Variants in SPATA13 observed in about 807,000 individuals in gnomAD.
The protein encoded by SPATA13 is spermatogenesis associated 13, also known as spermatogenesis-associated protein 13.
A neutral mutation model predicts 104.0 loss-of-function variants in SPATA13; 50 were observed. The observed-to-expected ratio is 0.48, with a 90% confidence interval of 0.38 to 0.61. SPATA13 has a LOEUF of 0.61. SPATA13 is among the 20% of genes least tolerant of loss of function. SPATA13 has a pLI of 0.00. For missense variants in SPATA13, 1,524 were observed against 1,690.6 expected, an observed-to-expected ratio of 0.90 and a Z score of 1.73; for synonymous variants, 606 against 667.5, an observed-to-expected ratio of 0.91 and a Z score of 1.42.
intron 3 of SPATA13, among the ~76,000 whole-genome samples, chr13:24,081,538 AT>A (rs1879516632): frequency 6.6e-6 from 1 of 151,862 alleles, no homozygotes. Flanking sequence ...GCCCAGTGTG[AT>A]GACTCATGCA....
intron 3 of SPATA13, among the ~76,000 whole-genome samples, chr13:24,139,456 C>T (rs1169254143): frequency 6.6e-6 from 1 of 151,984 alleles, no homozygotes; most frequent in Non-Finnish European, 1.5e-5. Flanking sequence ...ACCAATTCTC[C>T]TCTGGGATTG....
intron 2 of SPATA13, among the ~76,000 whole-genome samples, chr13:24,231,288 C>T (rs1872258591): frequency 1.3e-5 from 2 of 152,212 alleles, no homozygotes; most frequent in South Asian, 4.1e-4. Context: ...GCCCCAGCCT[C>T]AGAGCTATTT....
At chr13:23,990,262 T>A (rs888362186) in intron 2 of SPATA13, among the ~76,000 whole-genome samples, 1 of 152,164 alleles carries the variant, frequency 6.6e-6, no homozygotes, top group African/African-American at 2.4e-5. Flanking sequence ...GAAATGCAAC[T>A]CTCTGGTTTT....
chr13:24,218,194 A>T (rs1201692842), intron 1 of SPATA13, among the ~76,000 whole-genome samples: 1 of 152,204 alleles, frequency 6.6e-6, no homozygotes. Context: ...AGAGTGAAGG[A>T]TGGGTGGGCA....
At chr13:24,041,574 C>T (rs1479357591) in intron 3 of SPATA13, among the ~76,000 whole-genome samples, 2 of 152,222 alleles carry the variant, frequency 1.3e-5, no homozygotes, top group Non-Finnish European at 2.9e-5. Flanking sequence ...CACAGATAAA[C>T]ATGCAGTTGT....
At chr13:24,022,814 A>G (rs1173377149) in intron 3 of SPATA13, among the ~76,000 whole-genome samples, 1 of 152,198 alleles carries the variant, frequency 6.6e-6, no homozygotes, top group Non-Finnish European at 1.5e-5. Flanking sequence ...AATTAGACTC[A>G]AGCAAAATGT....
chr13:24,270,632 G>A (rs1028527629), intron 4 of SPATA13: 16 of 923,956 alleles, frequency 1.7e-5, no homozygotes, highest in Non-Finnish European at 2.5e-5. Context: ...GAAGTCCCCC[G>A]CAATGTCACT....
chr13:24,043,357 C>G (rs1158586917), intron 3 of SPATA13, among the ~76,000 whole-genome samples: 1 of 152,170 alleles, frequency 6.6e-6, no homozygotes, highest in Non-Finnish European at 1.5e-5. Flanking sequence ...CTTCTCCCAT[C>G]TCAGCAGCAC....
intron 3 of SPATA13, among the ~76,000 whole-genome samples, chr13:24,038,973 G>A (rs529160716): frequency 1.3e-5 from 2 of 152,278 alleles, no homozygotes; most frequent in African/African-American, 4.8e-5. Flanking sequence ...TGTGACACAG[G>A]CAGGGAAATA....
chr13:24,083,492 C>T (rs528294113), intron 3 of SPATA13, among the ~76,000 whole-genome samples: 70 of 152,206 alleles, frequency 4.6e-4, no homozygotes, highest in African/African-American at 1.3e-3. Flanking sequence ...GAAGTCCAGG[C>T]GGAGCTTGCG....
chr13:24,223,550 C>G lies in SPATA13; in HGVS notation c.621C>G (p.Tyr207Ter). Residue 207 changes from tyrosine (Y) to a stop codon, truncating the protein, a stop_gained, in exon 2 of 13, where the codon TAC becomes TAG. Coordinates refer to ENST00000382108, the MANE Select transcript of SPATA13 (RefSeq NM_001166271.3). LOFTEE classifies it high-confidence loss of function. ...GCTCCCGCAGCCTCCGCAGAGCCTA[C>G]GGCCTGGGCCGCATCTGCCTGCTGG... ...THRSRSLRRAYGLGRICLLDA... is the reference protein window; with the variant it reads ...THRSRSLRRA 6.5e-7 allele frequency: 1 copy of G among 1,548,892 alleles called. No homozygotes were observed. The highest frequency in any genetic ancestry group is 8.7e-7 in the Non-Finnish European group (1 of 1,146,992).
intron 3 of SPATA13, among the ~76,000 whole-genome samples, chr13:24,104,257 T>A (rs974110524): frequency 6.6e-6 from 1 of 151,966 alleles, no homozygotes; most frequent in Non-Finnish European, 1.5e-5. Flanking sequence ...TTTTTGTTTT[T>A]TGGGTTTTTT....
intron 3 of SPATA13, among the ~76,000 whole-genome samples, chr13:24,133,093 C>T (rs934621041): frequency 7.2e-5 from 11 of 152,176 alleles, no homozygotes; most frequent in Admixed American, 3.3e-4. Flanking sequence ...TGGATTCCCA[C>T]GTATTTCCAG....
intron 2 of SPATA13, among the ~76,000 whole-genome samples, chr13:24,005,477 A>G (rs2137678857): frequency 6.6e-6 from 1 of 152,272 alleles, no homozygotes; most frequent in East Asian, 1.9e-4. Context: ...AATGGAGTGT[A>G]TGCAGGGAGA....
intron 1 of SPATA13, among the ~76,000 whole-genome samples, chr13:24,210,560 C>G (rs1016192975): frequency 6.6e-6 from 1 of 151,916 alleles, no homozygotes; most frequent in African/African-American, 2.4e-5. Flanking sequence ...TTAAGTTGAC[C>G]GTGTATGCAT....
At chr13:24,299,554 A>G (rs1260285759) in intron 11 of SPATA13, among the ~76,000 whole-genome samples, 3 of 152,206 alleles carry the variant, frequency 2.0e-5, no homozygotes, top group African/African-American at 4.8e-5. Flanking sequence ...ACGTCAGGAC[A>G]GTCTGGGACA....
intron 1 of SPATA13, among the ~76,000 whole-genome samples, chr13:24,208,119 C>T (rs1482410055): frequency 6.6e-6 from 1 of 152,142 alleles, no homozygotes; most frequent in African/African-American, 2.4e-5. Flanking sequence ...AAATCTGAGG[C>T]TGAAATTCTT....
At chr13:24,285,253 C>A (rs1205814519) in intron 5 of SPATA13, among the ~76,000 whole-genome samples, 1 of 152,120 alleles carries the variant, frequency 6.6e-6, no homozygotes, top group Non-Finnish European at 1.5e-5. Flanking sequence ...TCTTCAATTG[C>A]TGTAAAGTGT....
chr13:24,273,291 G>T (rs569963771), intron 4 of SPATA13, among the ~76,000 whole-genome samples: 13 of 152,122 alleles, frequency 8.5e-5, no homozygotes, highest in African/African-American at 2.7e-4. Context: ...TGGGGTGTTG[G>T]CTGCCCAGGG....
Sources: allele counts gnomAD v4.1 joint callset (sites outside exome capture counted in the v4.1 genomes callset), GRCh38; gene constraint gnomAD v4.1.1; transcripts MANE v1.5; gene names NCBI Gene and HGNC (gene_info 2026-07-23, HGNC 2026-07-21).